The following PCDH15 variants were observed in gnomAD, a reference collection of about 807,000 sequenced individuals.
The protein encoded by PCDH15 is protocadherin-15.
PCDH15 carries 129 observed loss-of-function variants against 178.5 expected under a neutral mutation model. That is an observed-to-expected ratio of 0.72 (90% CI 0.63 to 0.84). The LOEUF is 0.84. Ranked by LOEUF, PCDH15 falls within the 40% of genes least tolerant of loss-of-function variation. The pLI is 0.00. For synonymous variants in PCDH15, 800 were observed against 732.0 expected, an observed-to-expected ratio of 1.09 and a Z score of -1.50; for missense variants, 2,230 against 2,099.9, an observed-to-expected ratio of 1.06 and a Z score of -1.21.
intron 3 of PCDH15, among the ~76,000 whole-genome samples, chr10:54,503,588 A>G (rs991895627): frequency 6.6e-6 from 1 of 151,908 alleles, no homozygotes; most frequent in Non-Finnish European, 1.5e-5. Flanking sequence ...GTGAAACTAA[A>G]CCAAGAGATC....
rs958523995 is a variant in PCDH15, at chr10:53,807,026, A to G, written c.4776T>C (p.His1592=). 3 of 1,613,708 alleles carry G rather than the reference A, an allele frequency of 1.9e-6. No individual in the cohort carries two copies. ...APECQRNRLH[H]PSIHSNINGN... ...CGTTGATATTACTGTGGATACTAGG[A>G]TGGTGAAGACGGTTTCTCTGACATT... Residue 1592 remains histidine, a synonymous_variant, in exon 38 of 38, where the codon CAT becomes CAC. Transcript: ENST00000644397.
At chr10:54,571,137 G>A (rs34832332) in intron 2 of PCDH15, among the ~76,000 whole-genome samples, 17,855 of 152,036 alleles carry the variant, frequency 0.12, 1,233 homozygotes, top group Non-Finnish European at 0.16. Flanking sequence ...GATTATAAGA[G>A]GAACTGATGT....
chr10:54,851,356 A>G (rs1045860868), intron 3 of PCDH15, among the ~76,000 whole-genome samples: 2 of 152,148 alleles, frequency 1.3e-5, no homozygotes, highest in African/African-American at 4.8e-5. Context: ...GACAAAATAA[A>G]TATTATAGTA....
chr10:55,153,256 C>G (rs1423636012), intron 2 of PCDH15, among the ~76,000 whole-genome samples: 1 of 152,022 alleles, frequency 6.6e-6, no homozygotes, highest in Non-Finnish European at 1.5e-5. Flanking sequence ...CATTCTTGAG[C>G]TGCCCAGGTT....
chr10:54,683,928 T>A (rs538726408), intron 1 of PCDH15, among the ~76,000 whole-genome samples: 1 of 151,998 alleles, frequency 6.6e-6, no homozygotes, highest in African/African-American at 2.4e-5. Context: ...GTGTTGATTA[T>A]AGCATAGCAC....
chr10:54,825,891 C>T (rs1216477617), intron 3 of PCDH15, among the ~76,000 whole-genome samples: 1 of 152,004 alleles, frequency 6.6e-6, no homozygotes, highest in East Asian at 1.9e-4. Context: ...ACATGTAAAA[C>T]ATCAGGAAGT....
chr10:55,550,028 G>C (rs959993170), intron 2 of PCDH15, among the ~76,000 whole-genome samples: 5 of 151,822 alleles, frequency 3.3e-5, no homozygotes, highest in African/African-American at 1.2e-4. Context: ...TTCTCTTTGA[G>C]GCCTGGCCCA....
chr10:55,204,868 C>T (rs1386156316), intron 1 of PCDH15, among the ~76,000 whole-genome samples: 1 of 151,986 alleles, frequency 6.6e-6, no homozygotes, highest in African/African-American at 2.4e-5. Context: ...TAAGAAAACT[C>T]AAATTTAAAA....
In PCDH15 at chr10:54,757,371, C is replaced by T. The variant is rs1396221808; in HGVS notation, c.-29+43554G>A. 4.4e-5 allele frequency among the ~76,000 whole-genome samples: 4 copies of T among 91,622 alleles called. 1 individual carries two copies. Among genetic ancestry groups the T allele is most frequent in the African/African-American group, 9.8e-5 (2 of 20,428 alleles). 60.1% of individuals were successfully genotyped at this position (91,622 alleles called of 152,430 possible). A position where few individuals can be genotyped will look rare whatever the true frequency, so the allele number is the denominator to read the frequency against. On this transcript the variant is annotated intron_variant, in intron 1 of 37. Coordinates refer to ENST00000644397, the MANE Select transcript of PCDH15 (RefSeq NM_001384140.1). Reference sequence around the variant, plus strand: ...GATCTCGACTCACTGCAAGCTCCGCCTCCCGGGTTCACGCCATTCTCCTGC... The same window carrying T: ...GATCTCGACTCACTGCAAGCTCCGCTTCCCGGGTTCACGCCATTCTCCTGC...
intron 2 of PCDH15, among the ~76,000 whole-genome samples, chr10:55,340,576 T>A (rs1278326839): frequency 6.6e-6 from 1 of 152,072 alleles, no homozygotes; most frequent in African/African-American, 2.4e-5. Flanking sequence ...ATCAGCAATA[T>A]AATATATTCG....
At chr10:55,537,875 A>G (rs1370279248) in intron 2 of PCDH15, among the ~76,000 whole-genome samples, 3 of 152,228 alleles carry the variant, frequency 2.0e-5, no homozygotes, top group Non-Finnish European at 4.4e-5. Context: ...AAGATATCAC[A>G]TATTTGTTTT....
At position 54,887,255 on chromosome 10, in the gene PCDH15, C is replaced by CTTGCAATTGTTAATGAAG; in HGVS notation, c.-29+10194_-29+10195insCTTCATTAACAATTGCAA. On this transcript the variant is annotated intron_variant, in intron 3 of 5. Coordinates refer to the PCDH15 transcript ENST00000458638. ...CTCTCCTTGGATCTTTTTAGAGCAC[C>CTTGCAATTGTTAATGAAG]TCACATCAACAGATCCTTGCAATTG... Among the ~76,000 whole-genome samples, 2 of 152,086 alleles carry CTTGCAATTGTTAATGAAG rather than the reference C, an allele frequency of 1.3e-5. 1 individual carries two copies. Among genetic ancestry groups the CTTGCAATTGTTAATGAAG allele is most frequent in the Non-Finnish European group, 2.9e-5 (2 of 67,956 alleles).
chr10:53,818,618 A>G (rs902011163), intron 33 of PCDH15, among the ~76,000 whole-genome samples: 3 of 152,132 alleles, frequency 2.0e-5, no homozygotes, highest in Non-Finnish European at 4.4e-5. Flanking sequence ...AAAGATTTAT[A>G]AAGTTCACAC....
chr10:54,534,635 C>CACAG (rs1168176592), intron 2 of PCDH15, among the ~76,000 whole-genome samples: 3 of 152,172 alleles, frequency 2.0e-5, no homozygotes, highest in Non-Finnish European at 4.4e-5. Flanking sequence ...TTTGTATTTA[C>CACAG]ACAGACACAC....
chr10:55,180,423 ATAAGT>A (rs918977539), intron 1 of PCDH15, among the ~76,000 whole-genome samples: 1 of 152,104 alleles, frequency 6.6e-6, no homozygotes, highest in African/African-American at 2.4e-5. Context: ...TGTGCTTTAG[ATAAGT>A]TAAGGTAGAA....
At chr10:55,494,761 G>A (rs1840495214) in intron 2 of PCDH15, among the ~76,000 whole-genome samples, 2 of 151,608 alleles carry the variant, frequency 1.3e-5, no homozygotes, top group South Asian at 4.1e-4. Flanking sequence ...TATATATGTA[G>A]CATAAACTTT....
At chr10:55,409,776 T>C (rs1838288527) in intron 2 of PCDH15, among the ~76,000 whole-genome samples, 1 of 152,136 alleles carries the variant, frequency 6.6e-6, no homozygotes, top group African/African-American at 2.4e-5. Context: ...TCCAGGGACA[T>C]ATATTAAGAC....
At chr10:55,531,225 T>C (rs901218508) in intron 2 of PCDH15, among the ~76,000 whole-genome samples, 2 of 152,002 alleles carry the variant, frequency 1.3e-5, no homozygotes, top group African/African-American at 4.8e-5. Context: ...TTGGTTTTTA[T>C]CTTCCTCATT....
intron 3 of PCDH15, among the ~76,000 whole-genome samples, chr10:54,431,577 A>G (rs1956973702): frequency 6.6e-6 from 1 of 152,180 alleles, no homozygotes; most frequent in South Asian, 2.1e-4. Context: ...AAAATGTCTC[A>G]ACAAACTGTG....
Sources: allele counts gnomAD v4.1 joint callset (sites outside exome capture counted in the v4.1 genomes callset), GRCh38; gene constraint gnomAD v4.1.1; transcripts MANE v1.5; gene names NCBI Gene and HGNC (gene_info 2026-07-23, HGNC 2026-07-21).